ITSN1: variants seen among roughly 807,000 people sequenced by gnomAD.
ITSN1 encodes the protein intersectin-1.
Under a neutral mutation model 239.8 loss-of-function variants are expected in ITSN1, and 58 were observed. The observed-to-expected ratio is 0.24, with a 90% CI of 0.20 to 0.30. The LOEUF is 0.30. ITSN1 is among the 10% of genes least tolerant of loss of function. The pLI is 1.00. For missense variants in ITSN1, 1,558 were observed against 2,103.3 expected (o/e 0.74, Z 5.07); for synonymous variants, 780 against 770.8 (o/e 1.01, Z -0.20).
At chr21:33,783,312 C>T (rs1246127149) in intron 16 of ITSN1, among the ~76,000 whole-genome samples, 1 of 151,924 alleles carries the variant, frequency 6.6e-6, no homozygotes, top group Non-Finnish European at 1.5e-5. Context: ...AATAGTTGAC[C>T]TTTGGATTGA....
At position 33,774,856 on chromosome 21, in the gene ITSN1, T is replaced by C. The variant is rs180901992; in HGVS notation, c.1433T>C (p.Leu478Ser). Reference protein sequence around the residue: ...IVVLKAKKKTLEFELEALNDK... With the variant: ...IVVLKAKKKTSEFELEALNDK... ...GTACTGAAAGCAAAGAAAAAGACTT[T>C]GGAATTTGAATTAGAAGCTCTAGTG... is the stretch of plus-strand genomic sequence containing the variant. Residue 478 changes from leucine (L) to serine (S), a missense_variant, in exon 13 of 40, where the codon TTG becomes TCG. Physicochemically the swap from Leu to Ser is moderately radical, Grantham distance 145. Coordinates refer to ENST00000381318, the MANE Select transcript of ITSN1 (RefSeq NM_003024.3). 11 of 1,612,274 alleles carry C rather than the reference T, an allele frequency of 6.8e-6. No homozygotes were observed. The African/African-American group carries it at 1.5e-4, about 22-fold the overall frequency.
rs569915781 is a variant in ITSN1 at position 33,882,694 on chromosome 21, C to T, written c.4554+239C>T. ...GCTGCCAAATGGCTGCTGTGGTCCC[C>T]TGGGATGTGACAGAGGCATGCTTTA... is the stretch of plus-strand genomic sequence containing the variant. On this transcript the variant is annotated intron_variant, in intron 35 of 39. Coordinates refer to ENST00000381318, the MANE Select transcript of ITSN1 (RefSeq NM_003024.3). This position sits in a 1 kb window ranked among gnomAD's most constrained non-coding sequence, Gnocchi z 4.5. Among the ~76,000 whole-genome samples, 5 of 152,192 alleles carry T rather than the reference C, an allele frequency of 3.3e-5. No homozygotes were observed. Among genetic ancestry groups the T allele is most frequent in the African/African-American group, 1.2e-4 (5 of 41,502 alleles).
chr21:33,842,990 TC>T (rs1159884083), intron 29 of ITSN1, among the ~76,000 whole-genome samples: 16 of 152,128 alleles, frequency 1.1e-4, no homozygotes, highest in Admixed American at 1.0e-3. Context: ...CTGCGTTGCT[TC>T]CCAGGCCCCA....
chr21:33,878,354 T>C (rs188901617), intron 34 of ITSN1, among the ~76,000 whole-genome samples: 11 of 152,314 alleles, frequency 7.2e-5, no homozygotes, highest in African/African-American at 2.4e-4. Context: ...ATTTGGTTTC[T>C]AATTTTCTTC....
At chr21:33,885,195 C>G in intron 37 of ITSN1, 72 bp downstream of exon 37, 1 of 1,315,140 alleles carries the variant, frequency 7.6e-7, no homozygotes, top group Non-Finnish European at 1.1e-6. Flanking sequence ...GGCTGAAAAT[C>G]CTCAGAATAG....
chr21:33,868,362 G>A (rs1165015034), intron 33 of ITSN1, among the ~76,000 whole-genome samples: 1 of 152,268 alleles, frequency 6.6e-6, no homozygotes, highest in Non-Finnish European at 1.5e-5. Context: ...GCGCCGTGGA[G>A]CAGGGGGCGG....
At position 33,890,713 on chromosome 21, in the gene ITSN1, T is replaced by G. The variant is rs1381230774; in HGVS notation, c.*2413T>G. 5 of 152,212 alleles carry G rather than the reference T, an allele frequency of 3.3e-5. No individual in the cohort carries two copies. The highest frequency in any genetic ancestry group is 4.8e-5 in the African/African-American group (2 of 41,448). The allele number at this position is 152,212 out of a possible 1,614,324, so 9.4% of individuals were successfully genotyped here. A position where few individuals can be genotyped will look rare whatever the true frequency, so the allele number is the denominator to read the frequency against. On this transcript the variant is annotated 3_prime_UTR_variant, in exon 40 of 40. Coordinates refer to ENST00000381318, the MANE Select transcript of ITSN1 (RefSeq NM_003024.3). ...TCAAACCATTGGGCCTCTCTGTTCC[T>G]TCACCTCTACCTTCTTGACCACCTG...
intron 16 of ITSN1, among the ~76,000 whole-genome samples, chr21:33,788,153 G>A (rs1171296099): frequency 1.3e-5 from 2 of 152,140 alleles, no homozygotes; most frequent in Non-Finnish European, 2.9e-5. Flanking sequence ...GGACAAAATG[G>A]AATCAGTTTT....
chr21:33,889,186 C>T lies in ITSN1; in HGVS notation c.*886C>T, dbSNP rs1602737631. 1 of 152,096 alleles carries T rather than the reference C, an allele frequency of 6.6e-6. No homozygotes were observed. Among genetic ancestry groups the T allele is most frequent in the Non-Finnish European group, 1.5e-5 (1 of 68,024 alleles). The allele number at this position is 152,096 out of a possible 1,614,324, so 9.4% of individuals were successfully genotyped here. ...GGAGGCCTGTGATATTTCATAGCAG[C>T]AGTCGTTGCTGGTGACCTGTTCTGT... On this transcript the variant is annotated 3_prime_UTR_variant, in exon 40 of 40. Transcript: ENST00000381318.
At chr21:33,761,382 TC>T (rs975697863) in intron 8 of ITSN1, among the ~76,000 whole-genome samples, 2 of 151,952 alleles carry the variant, frequency 1.3e-5, no homozygotes, top group African/African-American at 4.8e-5. Flanking sequence ...TGTGTTTTAA[TC>T]CTGGCTATTA....
rs558684103 is a variant in ITSN1, at chr21:33,889,585, T to C, written c.*1285T>C. On this transcript the variant is annotated 3_prime_UTR_variant, in exon 40 of 40. Transcript: ENST00000381318. ...TTAGTTAGATAGTAACTTGATTTGC[T>C]AATGAAAAGTGGGGGCCGTGTTTTG... The C allele has an allele frequency of 4.6e-5, 7 of 152,352 alleles. No individual in the cohort carries two copies. The East Asian group carries it at 1.3e-3, about 29-fold the overall frequency. 9.4% of individuals were successfully genotyped at this position (152,352 alleles called of 1,614,324 possible).
chr21:33,876,115 T>C (rs60254244), intron 34 of ITSN1, among the ~76,000 whole-genome samples: 6 of 17,900 alleles, frequency 3.4e-4, no homozygotes, highest in Middle Eastern at 0.022. Context: ...CTTTCTTTCT[T>C]TCTTTCTTTC....
intron 5 of ITSN1, among the ~76,000 whole-genome samples, chr21:33,740,972 A>T (rs1428244936): frequency 6.6e-6 from 1 of 152,242 alleles, no homozygotes. Flanking sequence ...TGGAAAAATT[A>T]TTATGTAAGA....
At chr21:33,664,225 G>A (rs1339106838) in intron 1 of ITSN1, among the ~76,000 whole-genome samples, 1 of 152,202 alleles carries the variant, frequency 6.6e-6, no homozygotes, top group Non-Finnish European at 1.5e-5. Flanking sequence ...TCCTCAGGTT[G>A]CTTTCACTCA....
chr21:33,731,119 G>A (rs1447083551), intron 4 of ITSN1, among the ~76,000 whole-genome samples: 3 of 152,298 alleles, frequency 2.0e-5, no homozygotes, highest in African/African-American at 2.4e-5. Context: ...TGGGATTGTC[G>A]TATGTGGTTT....
intron 5 of ITSN1, among the ~76,000 whole-genome samples, chr21:33,748,821 T>C (rs1482621594): frequency 1.3e-5 from 2 of 152,096 alleles, no homozygotes; most frequent in East Asian, 3.9e-4. Flanking sequence ...GCTATGATCA[T>C]GCCATTTCAC....
rs1034401476 is a variant in ITSN1, at chr21:33,850,381, G to A, written c.3662-6355G>A. ...CACGAGGGTCTCTGGTGCCTTTGGG[G>A]GCATTCCTTCCCCTCTCACCTCTGT... On this transcript the variant is annotated intron_variant, in intron 29 of 39. Transcript: ENST00000381318. 2.0e-5 allele frequency among the ~76,000 whole-genome samples: 3 copies of A among 152,280 alleles called. 1 individual carries two copies. The highest frequency in any genetic ancestry group is 1.5e-5 in the Non-Finnish European group (1 of 68,018).
chr21:33,815,542 G>A (rs533147521), intron 22 of ITSN1, among the ~76,000 whole-genome samples: 9 of 152,192 alleles, frequency 5.9e-5, no homozygotes, highest in East Asian at 1.9e-4. Context: ...CTGCAGGGGC[G>A]TAAAAGGAAA....
chr21:33,819,474 C>A (rs1438512937), intron 24 of ITSN1, 151 bp downstream of exon 24: 2 of 508,318 alleles, frequency 3.9e-6, no homozygotes, highest in Admixed American at 3.5e-5. Flanking sequence ...TTTACAGAAT[C>A]GGAGTACTTC....
Sources: gnomAD v4.1 joint callset for allele counts (sites outside exome capture counted in the v4.1 genomes callset) on GRCh38, gnomAD v4.1.1 for gene constraint, Gnocchi (gnomAD v3.1) non-coding constraint, MANE v1.5 for transcripts, NCBI Gene and HGNC (gene_info 2026-07-23, HGNC 2026-07-21) for gene names.